Variants in BBS9 observed in about 807,000 individuals in gnomAD.
The protein encoded by BBS9 is Bardet-Biedl syndrome 9, also known as protein PTHB1.
Under a neutral mutation model 117.7 loss-of-function variants are expected in BBS9, and 89 were observed. The observed-to-expected ratio is 0.76, with a 90% confidence interval of 0.64 to 0.90. The LOEUF (loss-of-function observed/expected upper bound fraction) is 0.90, where lower values mean the gene tolerates loss of function less well. Among genes scored for constraint, BBS9 ranks in the 40% least tolerant of loss-of-function variants. The pLI, the probability that BBS9 is intolerant of heterozygous loss-of-function variation, is 0.00. For synonymous variants in BBS9, 379 were observed against 370.9 expected (o/e 1.02, Z -0.25); for missense variants, 982 against 1,042.2 (o/e 0.94, Z 0.80).
At chr7:33,468,496 C>T (rs753330478) in intron 19 of BBS9, among the ~76,000 whole-genome samples, 1 of 152,146 alleles carries the variant, frequency 6.6e-6, no homozygotes, top group Non-Finnish European at 1.5e-5. Flanking sequence ...GGGTATCCAT[C>T]ATCTCAAATA....
intron 5 of BBS9, among the ~76,000 whole-genome samples, chr7:33,203,396 T>C (rs1583606831): frequency 6.6e-6 from 1 of 152,276 alleles, no homozygotes; most frequent in Admixed American, 6.5e-5. Flanking sequence ...TTCCAGGTGA[T>C]GCCAATACTA....
At position 33,545,924 on chromosome 7, in the gene BBS9, CTTTTTTTTTTTTT is replaced by C. The variant is rs10537037; in HGVS notation, c.2521+11763_2521+11775del. 1.1e-4 allele frequency among the ~76,000 whole-genome samples: 7 copies of C among 64,614 alleles called. No individual in the cohort carries two copies. The Admixed American group carries it at 1.2e-3, about 11-fold the overall frequency. The allele number at this position is 64,614 out of a possible 152,430, so 42.4% of individuals were successfully genotyped here. A position where few individuals can be genotyped will look rare whatever the true frequency, so the allele number is the denominator to read the frequency against. On this transcript the variant is annotated intron_variant, in intron 21 of 22. Transcript: ENST00000242067. Reference sequence around the variant, plus strand: ...ATACTATACCTACTGCTTTATAATCCTTTTTTTTTTTTTTTTTTTTTTTTTTTGAGATGGAGTC... The same window carrying C: ...ATACTATACCTACTGCTTTATAATCCTTTTTTTTTTTTTTGAGATGGAGTC...
chr7:33,618,160 T>TA (rs1253655928), intron 21 of BBS9, among the ~76,000 whole-genome samples: 56 of 152,202 alleles, frequency 3.7e-4, no homozygotes, highest in Middle Eastern at 3.4e-3. Flanking sequence ...GGCAACATAG[T>TA]GAGACTCTGT....
chr7:33,501,637 T>TGCACTTA (rs1301049480), intron 19 of BBS9, among the ~76,000 whole-genome samples: 2 of 152,218 alleles, frequency 1.3e-5, no homozygotes, highest in African/African-American at 4.8e-5. Context: ...GACATGTTGT[T>TGCACTTA]GCACTTAGTG....
intron 9 of BBS9, among the ~76,000 whole-genome samples, chr7:33,315,548 C>T (rs891153380): frequency 6.6e-6 from 1 of 152,092 alleles, no homozygotes; most frequent in Admixed American, 6.6e-5. Flanking sequence ...ATTACAAGGA[C>T]AGCGAATACC....
At chr7:33,353,486 C>A (rs1819058920) in intron 15 of BBS9, among the ~76,000 whole-genome samples, 1 of 151,960 alleles carries the variant, frequency 6.6e-6, no homozygotes, top group Non-Finnish European at 1.5e-5. Flanking sequence ...AAGTTTGTTC[C>A]TTAGGTTCTC....
chr7:33,366,507 T>G (rs1821749566), intron 16 of BBS9, among the ~76,000 whole-genome samples: 1 of 151,442 alleles, frequency 6.6e-6, no homozygotes, highest in Admixed American at 6.6e-5. Context: ...ACCCCCGTGA[T>G]GATGTTTAAT....
chr7:33,260,216 G>A (rs1797754089), intron 6 of BBS9, among the ~76,000 whole-genome samples: 1 of 151,946 alleles, frequency 6.6e-6, no homozygotes, highest in Non-Finnish European at 1.5e-5. Context: ...TGCCCGGGCT[G>A]GTTGCGAACT....
At chr7:33,568,435 C>T (rs544542411) in intron 21 of BBS9, among the ~76,000 whole-genome samples, 1 of 152,262 alleles carries the variant, frequency 6.6e-6, no homozygotes, top group Non-Finnish European at 1.5e-5. Flanking sequence ...ATGGATTTAT[C>T]CTAATGTATT....
At chr7:33,397,957 C>T (rs1172468733) in intron 19 of BBS9, among the ~76,000 whole-genome samples, 1 of 151,662 alleles carries the variant, frequency 6.6e-6, no homozygotes, top group Non-Finnish European at 1.5e-5. Flanking sequence ...ACATCCTGCA[C>T]ATGTACCCTT....
chr7:33,226,229 A>AT (rs978188255), intron 5 of BBS9, among the ~76,000 whole-genome samples: 28 of 150,150 alleles, frequency 1.9e-4, no homozygotes, highest in African/African-American at 4.6e-4. Flanking sequence ...TATAGTGGAG[A>AT]TTTTTTTTTT....
intron 9 of BBS9, among the ~76,000 whole-genome samples, chr7:33,279,649 C>G (rs1184820061): frequency 1.3e-5 from 2 of 152,166 alleles, no homozygotes; most frequent in African/African-American, 4.8e-5. Context: ...TACTTGGCAG[C>G]TTTAGTCCTC....
At chr7:33,377,150 G>A (rs1260739415) in intron 17 of BBS9, among the ~76,000 whole-genome samples, 1 of 152,112 alleles carries the variant, frequency 6.6e-6, no homozygotes, top group African/African-American at 2.4e-5. Context: ...TATTTTCTAG[G>A]TTGTCTTCCA....
Position 33,605,372 on chromosome 7 carries a change from T to G in BBS9, c.*146T>G, listed in dbSNP as rs572136265. ...AGATGACATGCATAGAAAGAGGGGT[T>G]GGGACTTTTTACTTCACTAGGAGAA... is the stretch of plus-strand genomic sequence containing the variant. On this transcript the variant is annotated 3_prime_UTR_variant, in exon 23 of 23. Transcript: ENST00000242067. 9 of 839,220 alleles carry G rather than the reference T, an allele frequency of 1.1e-5. No homozygotes were observed. The African/African-American group carries it at 1.3e-4, about 12-fold the overall frequency. The allele number at this position is 839,220 out of a possible 1,614,324, so 52.0% of individuals were successfully genotyped here. A position where few individuals can be genotyped will look rare whatever the true frequency, so the allele number is the denominator to read the frequency against.
chr7:33,184,835 G>A (rs576261123), intron 5 of BBS9, among the ~76,000 whole-genome samples: 1 of 152,318 alleles, frequency 6.6e-6, no homozygotes, highest in South Asian at 2.1e-4. Flanking sequence ...ACAAAGTAAA[G>A]GAATAAAAGA....
At chr7:33,519,637 A>G (rs1848316007) in intron 20 of BBS9, among the ~76,000 whole-genome samples, 1 of 152,068 alleles carries the variant, frequency 6.6e-6, no homozygotes, top group Non-Finnish European at 1.5e-5. Flanking sequence ...ATTCATTTGG[A>G]TAAAGAAGCT....
Position 33,455,752 on chromosome 7 carries a change from A to G in BBS9, c.2116-49711A>G, listed in dbSNP as rs1294541947. 2.0e-5 allele frequency among the ~76,000 whole-genome samples: 3 copies of G among 152,214 alleles called. No homozygotes were observed. In the South Asian group the frequency reaches 6.2e-4, roughly 32 times the overall value. On this transcript the variant is annotated intron_variant, in intron 19 of 22. Transcript: ENST00000242067. Reference sequence around the variant, plus strand: ...CTGAATTGGGTCCCCAGCTAACCAAAGATCAGAACTACAGAGGATTGTATT... The same window carrying G: ...CTGAATTGGGTCCCCAGCTAACCAAGGATCAGAACTACAGAGGATTGTATT...
At chr7:33,623,588 A>T (rs1052103857) in intron 21 of BBS9, among the ~76,000 whole-genome samples, 11 of 15,676 alleles carry the variant, frequency 7.0e-4, no homozygotes, top group African/African-American at 2.3e-3. Flanking sequence ...AAGCATGATT[A>T]AAAAAAAGAA....
Position 33,242,202 on chromosome 7 carries a change from A to AT in BBS9, c.443-15025dup, listed in dbSNP as rs906143421. On this transcript the variant is annotated intron_variant, in intron 5 of 22. Coordinates refer to ENST00000242067, the MANE Select transcript of BBS9 (RefSeq NM_198428.3). ...TGGGGTTTATGAATTCCTAGGATAG[A>AT]TTTTTTTTTCCTTCATCTGGTTCCA... is the stretch of plus-strand genomic sequence containing the variant. Among the ~76,000 whole-genome samples the AT allele has an allele frequency of 9.9e-5, 15 of 151,514 alleles. No homozygotes were observed. The South Asian group carries it at 1.0e-3, about 11-fold the overall frequency.
Sources: allele counts gnomAD v4.1 joint callset (sites outside exome capture counted in the v4.1 genomes callset), GRCh38; gene constraint gnomAD v4.1.1; transcripts MANE v1.5; gene names NCBI Gene and HGNC (gene_info 2026-07-23, HGNC 2026-07-21).